DYNC2H1: variants seen among roughly 807,000 people sequenced by gnomAD.
DYNC2H1 encodes cytoplasmic dynein 2 heavy chain 1.
A neutral mutation model predicts 570.0 loss-of-function variants in DYNC2H1; 410 were observed. That is an observed-to-expected ratio of 0.72 (90% confidence interval 0.66 to 0.78). The LOEUF (loss-of-function observed/expected upper bound fraction) is 0.78. Ranked by LOEUF, DYNC2H1 falls within the 30% of genes least tolerant of loss-of-function variation. The probability of loss-of-function intolerance (pLI) is 0.00; values close to 1 mark genes in which losing one functional copy is unlikely to be tolerated. For synonymous variants in DYNC2H1, 1,688 were observed against 1,677.6 expected, an observed-to-expected ratio of 1.01 and a Z score of -0.15; for missense variants, 4,865 against 5,046.4, an observed-to-expected ratio of 0.96 and a Z score of 1.09.
intron 28 of DYNC2H1, among the ~76,000 whole-genome samples, chr11:103,160,278 T>G (rs963242557): frequency 1.3e-5 from 2 of 152,068 alleles, no homozygotes; most frequent in African/African-American, 2.4e-5. Flanking sequence ...ATATGCAAAT[T>G]TGGGGGAAAG....
intron 87 of DYNC2H1, among the ~76,000 whole-genome samples, chr11:103,457,169 G>T (rs996385301): frequency 1.3e-5 from 2 of 152,178 alleles, no homozygotes; most frequent in Non-Finnish European, 1.5e-5. Context: ...AATCTGCGCT[G>T]CCAGTTATAT....
rs138149045 is a variant in DYNC2H1 at position 103,374,984 on chromosome 11, C to T, written c.12156+16625C>T. On this transcript the variant is annotated intron_variant, in intron 83 of 88. Transcript: ENST00000375735. ...CAGAGAGACCTTCATGGCAGCCCCT[C>T]CCTTCACAGGCCAGGGGCCTAGGAG... Among the ~76,000 whole-genome samples the T allele has an allele frequency of 7.2e-3, 1,103 of 152,294 alleles. 6 individuals carry two copies. The highest frequency in any genetic ancestry group is 0.029 in the South Asian group (139 of 4,834).
At chr11:103,377,274 A>G (rs947464038) in intron 83 of DYNC2H1, among the ~76,000 whole-genome samples, 2 of 152,148 alleles carry the variant, frequency 1.3e-5, no homozygotes, top group Admixed American at 1.3e-4. Flanking sequence ...ATGGTGTACC[A>G]TAAGACCCAT....
At chr11:103,304,782 C>A in intron 77 of DYNC2H1, 62 bp downstream of exon 77, 1 of 1,445,978 alleles carries the variant, frequency 6.9e-7, no homozygotes. Context: ...CTCCAAGGGA[C>A]ATCAGTATTA....
chr11:103,362,303 A>AAT (rs71465392), intron 83 of DYNC2H1, among the ~76,000 whole-genome samples: 12,190 of 145,664 alleles, frequency 0.084, 886 homozygotes, highest in East Asian at 0.19. Context: ...CTGCTTCTTA[A>AAT]ATATATTAAT....
intron 75 of DYNC2H1, among the ~76,000 whole-genome samples, chr11:103,288,896 AGAAAG>A (rs1866472807): frequency 6.7e-6 from 1 of 150,046 alleles, no homozygotes. Flanking sequence ...AAAAAAAAAA[AGAAAG>A]AAAATTATGG....
intron 38 of DYNC2H1, among the ~76,000 whole-genome samples, chr11:103,178,284 G>T (rs1333208209): frequency 8.6e-5 from 13 of 151,996 alleles, no homozygotes; most frequent in Non-Finnish European, 1.5e-5. Flanking sequence ...TTTTTTAAGA[G>T]AATTTTTGGC....
At chr11:103,318,295 C>T (rs566495794) in intron 80 of DYNC2H1, among the ~76,000 whole-genome samples, 1 of 152,220 alleles carries the variant, frequency 6.6e-6, no homozygotes, top group South Asian at 2.1e-4. Flanking sequence ...TGCCTTTCAG[C>T]CTCTACCATC....
chr11:103,228,329 A>G lies in DYNC2H1; in HGVS notation c.9354-2931A>G, dbSNP rs1019249188. Among the ~76,000 whole-genome samples, 1 of 152,148 alleles carries G rather than the reference A, an allele frequency of 6.6e-6. No homozygotes were observed. Among genetic ancestry groups the G allele is most frequent in the Non-Finnish European group, 1.5e-5 (1 of 68,028 alleles). ...ATTTGGGTAGACTATGTCAGAGGGA[A>G]GATCTGGGATTCAAGTGCAGCTGAT... On this transcript the variant is annotated intron_variant, in intron 59 of 88. Coordinates refer to ENST00000375735, the MANE Select transcript of DYNC2H1 (RefSeq NM_001377.3). This position sits in a 1 kb window ranked among gnomAD's most constrained non-coding sequence, Gnocchi z 6.1.
At chr11:103,378,259 A>C (rs1941482116) in intron 83 of DYNC2H1, among the ~76,000 whole-genome samples, 1 of 152,124 alleles carries the variant, frequency 6.6e-6, no homozygotes, top group Admixed American at 6.6e-5. Flanking sequence ...TATGAGCCTT[A>C]TTTGTTAATG....
At position 103,292,692 on chromosome 11, in the gene DYNC2H1, G is replaced by A. The variant is rs568377392; in HGVS notation, c.11095+5087G>A. On this transcript the variant is annotated intron_variant, in intron 75 of 88. Coordinates refer to ENST00000375735, the MANE Select transcript of DYNC2H1 (RefSeq NM_001377.3). Reference sequence around the variant, plus strand: ...AGTGAGTGAGTTCTCTCAAGACCTGGTTGTTTAAGCATGTGGCACCACCCT... The same window carrying A: ...AGTGAGTGAGTTCTCTCAAGACCTGATTGTTTAAGCATGTGGCACCACCCT... Among the ~76,000 whole-genome samples, 18 of 152,304 alleles carry A rather than the reference G, an allele frequency of 1.2e-4. No homozygotes were observed. The South Asian group carries it at 3.7e-3, about 32-fold the overall frequency.
rs1194900057 is a variant in DYNC2H1, at chr11:103,201,296, A to G, written c.8197+1142A>G. ...TAAGTGGGCTCTCTATGTATCTGGA[A>G]TTCTATGGATTGTAGAGATATTTAT... On this transcript the variant is annotated intron_variant, in intron 50 of 88. Coordinates refer to ENST00000375735, the MANE Select transcript of DYNC2H1 (RefSeq NM_001377.3). This position sits in a 1 kb window ranked among gnomAD's most constrained non-coding sequence, Gnocchi z 4.8. 1.3e-5 allele frequency among the ~76,000 whole-genome samples: 2 copies of G among 152,148 alleles called. No individual in the cohort carries two copies. The highest frequency in any genetic ancestry group is 1.9e-4 in the East Asian group (1 of 5,198).
Position 103,125,246 on chromosome 11 carries a change from T to G in DYNC2H1, c.1808T>G (p.Val603Gly), listed in dbSNP as rs1214720817. 5 of 1,612,008 alleles carry G rather than the reference T, an allele frequency of 3.1e-6. No individual in the cohort carries two copies. Among genetic ancestry groups the G allele is most frequent in the Non-Finnish European group, 4.2e-6 (5 of 1,179,060 alleles). The change falls in exon 12 of 89, where the codon GTT (valine) becomes GGT (glycine). Residue 603 changes from valine (V) to glycine (G), a missense_variant. Coordinates refer to ENST00000375735, the MANE Select transcript of DYNC2H1 (RefSeq NM_001377.3). ...GFVIPAKIQQ[V>G]ANIAQKFCKQ... Reference sequence around the variant, plus strand: ...GTTATTCCTGCCAAAATACAGCAAGTTGCAAACATTGCACAGAAATTCTGC... The same window carrying G: ...GTTATTCCTGCCAAAATACAGCAAGGTGCAAACATTGCACAGAAATTCTGC...
intron 80 of DYNC2H1, among the ~76,000 whole-genome samples, chr11:103,320,570 T>G (rs1011235986): frequency 6.6e-6 from 1 of 152,248 alleles, no homozygotes; most frequent in African/African-American, 2.4e-5. Context: ...GATTATTTTA[T>G]AAACTGACAG....
At chr11:103,340,328 G>A (rs1365932907) in intron 82 of DYNC2H1, among the ~76,000 whole-genome samples, 1 of 152,038 alleles carries the variant, frequency 6.6e-6, no homozygotes, top group Non-Finnish European at 1.5e-5. Flanking sequence ...AAGCCTGAAT[G>A]ATAGATAAAT....
chr11:103,401,834 T>A lies in DYNC2H1; in HGVS notation c.12366+1962T>A, dbSNP rs532349550. ...TCTTCAAGCATTTATCTGGTATCAT[T>A]GTACAAAATAAGTTTATAGAAATAG... On this transcript the variant is annotated intron_variant, in intron 84 of 88. Coordinates refer to ENST00000375735, the MANE Select transcript of DYNC2H1 (RefSeq NM_001377.3). 5.3e-5 allele frequency among the ~76,000 whole-genome samples: 8 copies of A among 152,270 alleles called. No individual in the cohort carries two copies. The South Asian group carries it at 1.7e-3, about 32-fold the overall frequency.
intron 85 of DYNC2H1, among the ~76,000 whole-genome samples, chr11:103,438,471 CT>C (rs1264017965): frequency 6.6e-6 from 1 of 152,060 alleles, no homozygotes; most frequent in East Asian, 1.9e-4. Flanking sequence ...AAAATGGCAC[CT>C]TTTGGTTTCT....
intron 82 of DYNC2H1, among the ~76,000 whole-genome samples, chr11:103,349,895 CATAAAT>C (rs1474820908): frequency 6.6e-6 from 1 of 152,066 alleles, no homozygotes; most frequent in East Asian, 1.9e-4. Flanking sequence ...GTGTGACTGG[CATAAAT>C]ATATTTTAGA....
At chr11:103,315,872 T>G (rs940577149) in intron 79 of DYNC2H1, among the ~76,000 whole-genome samples, 3 of 151,908 alleles carry the variant, frequency 2.0e-5, no homozygotes, top group Non-Finnish European at 2.9e-5. Context: ...TTTAAAAATA[T>G]TTTTTGAGTG....
Sources: gnomAD v4.1 joint callset for allele counts (sites outside exome capture counted in the v4.1 genomes callset) on GRCh38, gnomAD v4.1.1 for gene constraint, Gnocchi (gnomAD v3.1) non-coding constraint, MANE v1.5 for transcripts, NCBI Gene and HGNC (gene_info 2026-07-23, HGNC 2026-07-21) for gene names.